Variants in SIRT5 observed in about 807,000 individuals in gnomAD.
SIRT5 encodes the protein sirtuin 5.
Under a neutral mutation model 40.0 loss-of-function variants are expected in SIRT5, and 26 were observed. That is an observed-to-expected ratio of 0.65 (90% CI 0.48 to 0.90). The LOEUF is 0.90. Among genes scored for constraint, SIRT5 ranks in the 40% least tolerant of loss-of-function variants. The pLI, the probability that SIRT5 is intolerant of heterozygous loss-of-function variation, is 0.00. For synonymous variants in SIRT5, 146 were observed against 149.1 expected (o/e 0.98, Z 0.15); for missense variants, 401 against 402.4 (o/e 1.00, Z 0.03).
At chr6:13,590,489 G>T (rs947929437) in intron 4 of SIRT5, among the ~76,000 whole-genome samples, 2 of 152,030 alleles carry the variant, frequency 1.3e-5, no homozygotes, top group African/African-American at 4.8e-5. Context: ...ATATGTAGAT[G>T]TGTGTAGTTC....
intron 9 of SIRT5, among the ~76,000 whole-genome samples, chr6:13,611,410 A>G (rs1353545192): frequency 1.3e-5 from 2 of 151,926 alleles, no homozygotes; most frequent in East Asian, 1.9e-4. Flanking sequence ...TATACTTACA[A>G]TTTCAATGAG....
At chr6:13,583,972 T>C in intron 2 of SIRT5, 104 bp from the exon 3 acceptor site, 1 of 484,048 alleles carries the variant, frequency 2.1e-6, no homozygotes, top group Non-Finnish European at 3.6e-6. Context: ...ATATACATGA[T>C]GCGTTTCTGT....
At chr6:13,610,090 C>T (rs776158133) in intron 9 of SIRT5, among the ~76,000 whole-genome samples, 4 of 152,148 alleles carry the variant, frequency 2.6e-5, no homozygotes, top group South Asian at 2.1e-4. Context: ...CCTCAGCTTC[C>T]GGAGTTGCTG....
intron 9 of SIRT5, among the ~76,000 whole-genome samples, chr6:13,602,273 G>A (rs1252305896): frequency 1.3e-5 from 2 of 152,116 alleles, no homozygotes; most frequent in Non-Finnish European, 2.9e-5. Context: ...GAAAATGCAA[G>A]GGACCCAAAA....
At chr6:13,594,050 C>G (rs1761275614) in intron 5 of SIRT5, among the ~76,000 whole-genome samples, 1 of 152,146 alleles carries the variant, frequency 6.6e-6, no homozygotes, top group South Asian at 2.1e-4. Flanking sequence ...CTGACATGTT[C>G]TTACCAAAAG....
At chr6:13,575,174 G>A (rs1004932992) in intron 1 of SIRT5, among the ~76,000 whole-genome samples, 4 of 152,168 alleles carry the variant, frequency 2.6e-5, no homozygotes, top group African/African-American at 9.7e-5. Context: ...TGGAGTGGAA[G>A]CTGCCTCTTG....
At chr6:13,590,603 G>A (rs546878020) in intron 4 of SIRT5, among the ~76,000 whole-genome samples, 1 of 152,108 alleles carries the variant, frequency 6.6e-6, no homozygotes, top group African/African-American at 2.4e-5. Flanking sequence ...GTAGTTATGT[G>A]TATGTTGTGT....
At chr6:13,596,502 T>C (rs923774753) in intron 6 of SIRT5, among the ~76,000 whole-genome samples, 7 of 152,028 alleles carry the variant, frequency 4.6e-5, no homozygotes, top group Admixed American at 3.9e-4. Context: ...TTTTTTTTTT[T>C]CTGAGACAGG....
chr6:13,606,109 G>A (rs1763068836), intron 9 of SIRT5, among the ~76,000 whole-genome samples: 1 of 152,242 alleles, frequency 6.6e-6, no homozygotes, highest in African/African-American at 2.4e-5. Flanking sequence ...CAGCACGTGA[G>A]CAGGTGCTAA....
At chr6:13,598,165 G>A (rs1232541328) in intron 7 of SIRT5, among the ~76,000 whole-genome samples, 2 of 152,162 alleles carry the variant, frequency 1.3e-5, no homozygotes, top group East Asian at 3.8e-4. Context: ...TTCTTCTGAA[G>A]GAATAGGTAG....
chr6:13,592,761 C>T (rs1052882843), intron 5 of SIRT5, among the ~76,000 whole-genome samples: 2 of 152,208 alleles, frequency 1.3e-5, no homozygotes, highest in Non-Finnish European at 2.9e-5. Flanking sequence ...TCTTTGCTGT[C>T]ACCACAAATC....
At chr6:13,586,476 C>T (rs1440808583) in intron 3 of SIRT5, among the ~76,000 whole-genome samples, 2 of 152,160 alleles carry the variant, frequency 1.3e-5, no homozygotes, top group African/African-American at 4.8e-5. Context: ...AGGCAGTTTT[C>T]CCAGCCCCAT....
At chr6:13,599,683 C>T (rs557749655) in intron 8 of SIRT5, among the ~76,000 whole-genome samples, 2 of 152,326 alleles carry the variant, frequency 1.3e-5, no homozygotes, top group East Asian at 3.9e-4. Context: ...CAGCCACACT[C>T]ATTCTTCCAC....
In SIRT5 at chr6:13,614,782, G is replaced by A. The variant is rs1764204531; in HGVS notation, c.*2917G>A. 6.6e-6 allele frequency: 1 copy of A among 152,404 alleles called. No individual in the cohort carries two copies. Among genetic ancestry groups the A allele is most frequent in the Non-Finnish European group, 1.5e-5 (1 of 68,118 alleles). 9.4% of individuals were successfully genotyped at this position (152,404 alleles called of 1,614,324 possible). A position where few individuals can be genotyped will look rare whatever the true frequency, so the allele number is the denominator to read the frequency against. ...GGCCGAGGGCGCCGGGCACGTCTGT[G>A]CAGATTTCTTTAGAGTCCAGGTCTG... On this transcript the variant is annotated 3_prime_UTR_variant, in exon 10 of 10. Transcript: ENST00000606117.
At position 13,599,039 on chromosome 6, in the gene SIRT5, G is replaced by A. The variant is rs533991556; in HGVS notation, c.625G>A (p.Glu209Lys). Residue 209 changes from glutamate (E) to lysine (K), a missense_variant, in exon 8 of 10, where the codon GAG becomes AAG. Physicochemically the swap from Glu to Lys is moderately conservative, Grantham distance 56. Transcript: ENST00000606117. ...IPVEKLPRCE[E>K]AGCGGLLRPH... ...AGGATCCCATTCTTCCAGGTGTGAAGAGGCAGGCTGCGGGGGCTTGCTGCG... is the reference window on the plus strand; with the variant it reads ...AGGATCCCATTCTTCCAGGTGTGAAAAGGCAGGCTGCGGGGGCTTGCTGCG... The A allele has an allele frequency of 1.4e-5, 22 of 1,613,994 alleles. No individual in the cohort carries two copies. In the East Asian group the frequency reaches 4.9e-4, roughly 36 times the overall value.
chr6:13,588,606 C>A, intron 4 of SIRT5, 142 bp downstream of exon 4: 1 of 1,104,126 alleles, frequency 9.1e-7, no homozygotes, highest in Non-Finnish European at 1.2e-6. Context: ...TTGATTTTGG[C>A]ATAAACACAA....
chr6:13,595,303 G>A (rs552289491), intron 5 of SIRT5, among the ~76,000 whole-genome samples, 174 bp from the exon 6 acceptor site: 1 of 152,304 alleles, frequency 6.6e-6, no homozygotes, highest in East Asian at 1.9e-4. Context: ...GAGCCCATGA[G>A]TTGGAAGCTG....
intron 9 of SIRT5, among the ~76,000 whole-genome samples, chr6:13,610,871 G>A (rs1763745088): frequency 6.6e-6 from 1 of 152,144 alleles, no homozygotes; most frequent in Non-Finnish European, 1.5e-5. Context: ...ATTGTATCAA[G>A]AATAAATAAT....
chr6:13,607,217 C>T lies in SIRT5; in HGVS notation c.858-4573C>T, dbSNP rs1259719731. 6.6e-6 allele frequency among the ~76,000 whole-genome samples: 1 copy of T among 152,012 alleles called. No individual in the cohort carries two copies. The highest frequency in any genetic ancestry group is 1.5e-5 in the Non-Finnish European group (1 of 68,000). On this transcript the variant is annotated intron_variant, in intron 9 of 9. Coordinates refer to ENST00000606117, the MANE Select transcript of SIRT5 (RefSeq NM_012241.5). This position sits in a 1 kb window ranked among gnomAD's most constrained non-coding sequence, Gnocchi z 4.0. The stretch of plus-strand genomic sequence containing the variant: ...ATCAGAATTTCTAGGGGGAAGATGC[C>T]TGTTTATCTGTGTAGTTAGCAAATG...
Sources: gnomAD v4.1 joint callset for allele counts (sites outside exome capture counted in the v4.1 genomes callset) on GRCh38, gnomAD v4.1.1 for gene constraint, Gnocchi (gnomAD v3.1) non-coding constraint, MANE v1.5 for transcripts, NCBI Gene and HGNC (gene_info 2026-07-23, HGNC 2026-07-21) for gene names.